INTS7: variants seen among roughly 807,000 people sequenced by gnomAD.
INTS7 encodes integrator complex subunit 7.
INTS7 carries 46 observed loss-of-function variants against 109.2 expected under a neutral mutation model. That is an observed-to-expected ratio of 0.42 (90% confidence interval 0.33 to 0.54). The LOEUF (loss-of-function observed/expected upper bound fraction) is 0.54, where lower values mean the gene tolerates loss of function less well. INTS7 is among the 20% of genes least tolerant of loss of function. INTS7 has a pLI of 0.07. For synonymous variants in INTS7, 412 were observed against 402.9 expected (o/e 1.02, Z -0.27); for missense variants, 929 against 1,132.4 (o/e 0.82, Z 2.58).
intron 5 of INTS7, among the ~76,000 whole-genome samples, chr1:212,008,017 T>C (rs1245540415): frequency 6.6e-6 from 1 of 152,184 alleles, no homozygotes; most frequent in Non-Finnish European, 1.5e-5. Context: ...ACAAATCTTT[T>C]CTCTATGGCA....
intron 7 of INTS7, among the ~76,000 whole-genome samples, chr1:212,005,237 A>G (rs1219176829): frequency 6.6e-6 from 1 of 152,214 alleles, no homozygotes; most frequent in African/African-American, 2.4e-5. Context: ...CAAAAGAAAC[A>G]AAAACAAAGC....
chr1:211,957,573 G>A (rs1424477649), intron 16 of INTS7, among the ~76,000 whole-genome samples: 1 of 152,096 alleles, frequency 6.6e-6, no homozygotes, highest in South Asian at 2.1e-4. Flanking sequence ...TCGGATTGTC[G>A]AGTTGTATGG....
chr1:211,991,421 A>G lies in INTS7; in HGVS notation c.880-3418T>C, dbSNP rs1465734669. 5.3e-5 allele frequency among the ~76,000 whole-genome samples: 8 copies of G among 152,342 alleles called. No homozygotes were observed. The East Asian group carries it at 1.2e-3, about 22-fold the overall frequency. On this transcript the variant is annotated intron_variant, in intron 7 of 19. Transcript: ENST00000366994. The stretch of plus-strand genomic sequence containing the variant: ...GTAAAGAACTGTTGATTTTCATAAA[A>G]AACACCTCTAGAAAAATATACAAAA...
rs756310752 is a variant in INTS7 at position 212,016,977 on chromosome 1, G to A, written c.418C>T (p.His140Tyr). The change falls in exon 4 of 20, where the codon CAT becomes TAT. Residue 140 changes from histidine to tyrosine, a missense_variant. Coordinates refer to ENST00000366994, the MANE Select transcript of INTS7 (RefSeq NM_015434.4). ...ASIIPERKNA[H>Y]HSIRQSLDSH... is the part of the protein sequence containing the mutation. ...TCTAAACTCTGACGAATACTATGAT[G>A]AGCATTCTTCCTCTCAGGAATTATT... The A allele has an allele frequency of 1.9e-6, 3 of 1,600,728 alleles. No homozygotes were observed. The highest frequency in any genetic ancestry group is 2.6e-6 in the Non-Finnish European group (3 of 1,173,736).
chr1:211,973,391 ACT>A (rs1664265494), intron 13 of INTS7, among the ~76,000 whole-genome samples: 1 of 152,202 alleles, frequency 6.6e-6, no homozygotes, highest in South Asian at 2.1e-4. Context: ...AAATAAGACA[ACT>A]CTATCATTAA....
intron 12 of INTS7, 42 bp from the exon 13 acceptor site, chr1:211,975,414 C>T (rs1220887074): frequency 2.7e-6 from 4 of 1,458,252 alleles, no homozygotes; most frequent in African/African-American, 1.4e-5. Flanking sequence ...AGAAGGAGCA[C>T]ACGGTGAGGT....
chr1:211,951,429 G>A (rs2808389), intron 17 of INTS7, among the ~76,000 whole-genome samples: 5 of 152,012 alleles, frequency 3.3e-5, no homozygotes, highest in South Asian at 2.1e-4. Context: ...TGCCTCAGCC[G>A]CCTGAGTAGC....
chr1:211,953,177 A>G (rs1272395164), intron 16 of INTS7, among the ~76,000 whole-genome samples: 1 of 152,208 alleles, frequency 6.6e-6, no homozygotes, highest in Non-Finnish European at 1.5e-5. Flanking sequence ...GGAGAGATGG[A>G]AAGTACAGGA....
At chr1:211,975,450 G>T in intron 12 of INTS7, 78 bp from the exon 13 acceptor site, 2 of 1,076,056 alleles carry the variant, frequency 1.9e-6, no homozygotes, top group Non-Finnish European at 2.8e-6. Flanking sequence ...AGTTGATGCA[G>T]CAGCTAAAAG....
chr1:211,997,673 G>A (rs1010630553), intron 7 of INTS7, among the ~76,000 whole-genome samples: 2 of 151,882 alleles, frequency 1.3e-5, no homozygotes, highest in Non-Finnish European at 2.9e-5. Context: ...GAGATCAGGA[G>A]TCTGAGACCA....
At chr1:212,016,772 GTAAT>G (rs1316539607) in intron 4 of INTS7, 110 bp downstream of exon 4, 1 of 801,576 alleles carries the variant, frequency 1.2e-6, no homozygotes, top group Non-Finnish European at 2.0e-6. Flanking sequence ...AACACACCTT[GTAAT>G]TTACACTTTC....
intron 7 of INTS7, among the ~76,000 whole-genome samples, chr1:211,989,560 G>A (rs558635972): frequency 3.9e-5 from 6 of 152,180 alleles, no homozygotes; most frequent in East Asian, 1.9e-4. Flanking sequence ...AGTGGCTCAC[G>A]TCTGTAATCC....
intron 16 of INTS7, among the ~76,000 whole-genome samples, chr1:211,964,150 T>C (rs571394466): frequency 1.3e-5 from 2 of 152,098 alleles, no homozygotes; most frequent in African/African-American, 4.8e-5. Flanking sequence ...AGATCCAGGA[T>C]ACAAAATCAA....
chr1:211,995,937 G>C (rs1665362609), intron 7 of INTS7, among the ~76,000 whole-genome samples: 1 of 152,152 alleles, frequency 6.6e-6, no homozygotes, highest in South Asian at 2.1e-4. Context: ...AAATAAATTT[G>C]TGTTATTTGT....
At position 211,944,796 on chromosome 1, in the gene INTS7, T is replaced by C. The variant is rs748344426; in HGVS notation, c.2589A>G (p.Gly863=). 2 of 1,613,822 alleles carry C rather than the reference T, an allele frequency of 1.2e-6. No individual in the cohort carries two copies. The highest frequency in any genetic ancestry group is 2.2e-5 in the South Asian group (2 of 91,068). Residue 863 remains glycine, a synonymous_variant, in exon 19 of 20, where the codon GGA becomes GGG. Transcript: ENST00000366994. ...TTTTCTAAATTACCTTGTAGTCTTGTCCAGATTTACTCTGCAGTGTGGAAG... is the reference window on the plus strand; with the variant it reads ...TTTTCTAAATTACCTTGTAGTCTTGCCCAGATTTACTCTGCAGTGTGGAAG... ...NVSSTLQSKS[G]QDYKIPIDNM... is the part of the protein sequence containing the mutation.
At position 212,017,007 on chromosome 1, in the gene INTS7, C is replaced by T; in HGVS notation, c.388G>A (p.Ala130Thr). 6.3e-7 allele frequency: 1 copy of T among 1,596,576 alleles called. No individual in the cohort carries two copies. The highest frequency in any genetic ancestry group is 8.5e-7 in the Non-Finnish European group (1 of 1,173,494). Residue 130 changes from alanine to threonine, a missense_variant, in exon 4 of 20, where the codon GCA (alanine) becomes ACA (threonine). Coordinates refer to ENST00000366994, the MANE Select transcript of INTS7 (RefSeq NM_015434.4). The stretch of plus-strand genomic sequence containing the variant: ...TTCTTCCTCTCAGGAATTATTGATG[C>T]CAGACTTCCCAACATCCTACAGAAA... ...AITLRMLGSL[A>T]SIIPERKNAH...
Position 211,946,696 on chromosome 1 carries a change from A to G in INTS7, c.2326T>C (p.Cys776Arg). Residue 776 changes from cysteine to arginine, a missense_variant, in exon 18 of 20, where the codon TGC (cysteine) becomes CGC (arginine). Cys to Arg is a radical substitution (Grantham distance 180). Coordinates refer to ENST00000366994, the MANE Select transcript of INTS7 (RefSeq NM_015434.4). This position sits in a 1 kb window ranked among gnomAD's most constrained non-coding sequence, Gnocchi z 4.3. ...YTPVSYMHTA[C>R]LCNAIIALLK... Reference sequence around the variant, plus strand: ...AAAGCAATGATGGCATTGCAGAGGCATGCTGTGTGCTGGGGGAAAAAAGAA... The same window carrying G: ...AAAGCAATGATGGCATTGCAGAGGCGTGCTGTGTGCTGGGGGAAAAAAGAA... 6.2e-7 allele frequency: 1 copy of G among 1,610,892 alleles called. No homozygotes were observed. Among genetic ancestry groups the G allele is most frequent in the Non-Finnish European group, 8.5e-7 (1 of 1,177,662 alleles).
intron 7 of INTS7, among the ~76,000 whole-genome samples, chr1:211,990,784 T>A (rs1310847619): frequency 6.6e-6 from 1 of 151,940 alleles, no homozygotes; most frequent in Non-Finnish European, 1.5e-5. Context: ...AGAGGCTAAG[T>A]AAGATGGGGG....
chr1:211,977,668 T>C (rs1161839701), intron 11 of INTS7, among the ~76,000 whole-genome samples: 1 of 152,168 alleles, frequency 6.6e-6, no homozygotes, highest in Admixed American at 6.5e-5. Flanking sequence ...TAATTTACAA[T>C]TATTTAGAAT....
Sources: gnomAD v4.1 joint callset for allele counts (sites outside exome capture counted in the v4.1 genomes callset) on GRCh38, gnomAD v4.1.1 for gene constraint, Gnocchi (gnomAD v3.1) non-coding constraint, MANE v1.5 for transcripts, NCBI Gene and HGNC (gene_info 2026-07-23, HGNC 2026-07-21) for gene names.